Variants in PRKCA observed in about 807,000 individuals in gnomAD.
The protein encoded by PRKCA is protein kinase C alpha, also known as protein kinase C alpha type.
PRKCA carries 27 observed loss-of-function variants against 87.0 expected under a neutral mutation model. The ratio of observed to expected loss-of-function variants is 0.31; its 90% confidence interval spans 0.23 to 0.43. The LOEUF is 0.43. PRKCA is among the 20% of genes least tolerant of loss of function. PRKCA has a pLI of 1.00. For synonymous variants in PRKCA, 329 were observed against 311.1 expected, an observed-to-expected ratio of 1.06 and a Z score of -0.61; for missense variants, 518 against 852.3, an observed-to-expected ratio of 0.61 and a Z score of 4.88.
chr17:66,362,329 C>T (rs777111234), intron 2 of PRKCA, among the ~76,000 whole-genome samples: 8 of 152,130 alleles, frequency 5.3e-5, no homozygotes, highest in Non-Finnish European at 1.0e-4. Flanking sequence ...TGAGCCACCA[C>T]CATGCCCAGC....
At chr17:66,564,487 GTC>G (rs780546036) in intron 3 of PRKCA, among the ~76,000 whole-genome samples, 1 of 152,150 alleles carries the variant, frequency 6.6e-6, no homozygotes, top group Non-Finnish European at 1.5e-5. Context: ...CGTGGCTTTT[GTC>G]CATGGTGCCT....
intron 3 of PRKCA, among the ~76,000 whole-genome samples, chr17:66,522,321 C>A (rs1230566743): frequency 6.6e-6 from 1 of 152,118 alleles, no homozygotes; most frequent in Non-Finnish European, 1.5e-5. Context: ...TCACTTCTTG[C>A]AGTTTCTATG....
At chr17:66,651,389 C>T (rs942116233) in intron 5 of PRKCA, among the ~76,000 whole-genome samples, 1 of 152,276 alleles carries the variant, frequency 6.6e-6, no homozygotes, top group South Asian at 2.1e-4. Context: ...AAGAACAGAG[C>T]ATCAGTCTCC....
At chr17:66,354,210 A>G (rs1907914754) in intron 2 of PRKCA, among the ~76,000 whole-genome samples, 1 of 152,204 alleles carries the variant, frequency 6.6e-6, no homozygotes, top group Non-Finnish European at 1.5e-5. Context: ...GTCTGCAGTG[A>G]TCTCAAAGAT....
At chr17:66,547,087 T>C (rs1327796407) in intron 3 of PRKCA, among the ~76,000 whole-genome samples, 1 of 152,194 alleles carries the variant, frequency 6.6e-6, no homozygotes, top group Non-Finnish European at 1.5e-5. Flanking sequence ...GTTTCACCAG[T>C]TTACCTTAGC....
At chr17:66,466,351 T>C (rs8074329) in intron 2 of PRKCA, among the ~76,000 whole-genome samples, 9,687 of 152,170 alleles carry the variant, frequency 0.064, 1,028 homozygotes, top group African/African-American at 0.22. Context: ...CTGGAAGAGT[T>C]TGAAGCCAGA....
chr17:66,342,371 G>A (rs377001034), intron 2 of PRKCA, among the ~76,000 whole-genome samples: 6 of 151,622 alleles, frequency 4.0e-5, no homozygotes, highest in African/African-American at 1.5e-4. Context: ...GCAGTGAGCC[G>A]AGATCAGGCC....
intron 12 of PRKCA, 78 bp downstream of exon 12, chr17:66,741,799 G>A: frequency 1.1e-5 from 16 of 1,455,414 alleles, no homozygotes; most frequent in Non-Finnish European, 1.5e-5. Context: ...TTCTGGAATG[G>A]TGACTTAAGA....
rs746184182 is a variant in PRKCA at position 66,808,174 on chromosome 17, T to C, written c.*4137T>C. 3 of 152,168 alleles carry C rather than the reference T, an allele frequency of 2.0e-5. No individual in the cohort carries two copies. The highest frequency in any genetic ancestry group is 2.9e-5 in the Non-Finnish European group (2 of 68,042). 9.4% of individuals were successfully genotyped at this position (152,168 alleles called of 1,614,324 possible). ...GTAGGTTCCTGCCCATTTTCCTCTC[T>C]GGCTTCCTGCCAAGAATTATGGCAG... is the stretch of plus-strand genomic sequence containing the variant. On this transcript the variant is annotated 3_prime_UTR_variant, in exon 17 of 17. Coordinates refer to ENST00000413366, the MANE Select transcript of PRKCA (RefSeq NM_002737.3).
intron 2 of PRKCA, among the ~76,000 whole-genome samples, chr17:66,370,389 A>G (rs1008801779): frequency 2.6e-5 from 4 of 151,018 alleles, no homozygotes; most frequent in African/African-American, 4.9e-5. Context: ...ACACCACCAT[A>G]GCTGGCTATT....
At chr17:66,309,554 C>T (rs1395749384) in intron 2 of PRKCA, among the ~76,000 whole-genome samples, 5 of 152,100 alleles carry the variant, frequency 3.3e-5, no homozygotes, top group Non-Finnish European at 7.4e-5. Context: ...AACGGTGAAA[C>T]CAAGGGCCAT....
intron 3 of PRKCA, among the ~76,000 whole-genome samples, chr17:66,612,585 G>T (rs1438868648): frequency 6.6e-6 from 1 of 152,166 alleles, no homozygotes; most frequent in East Asian, 1.9e-4. Flanking sequence ...ATTAGGATGG[G>T]TGCTAAGCCT....
chr17:66,747,807 C>A (rs1240212035), intron 13 of PRKCA, among the ~76,000 whole-genome samples: 1 of 152,166 alleles, frequency 6.6e-6, no homozygotes, highest in Non-Finnish European at 1.5e-5. Context: ...CAGGGAGATC[C>A]CTTAGAAACC....
chr17:66,740,488 A>G (rs1288951363), intron 11 of PRKCA, among the ~76,000 whole-genome samples: 1 of 152,200 alleles, frequency 6.6e-6, no homozygotes, highest in African/African-American at 2.4e-5. Flanking sequence ...ACACATTGGA[A>G]GAATTTTTGG....
chr17:66,750,695 C>T (rs903322464), intron 13 of PRKCA, among the ~76,000 whole-genome samples: 2 of 152,226 alleles, frequency 1.3e-5, no homozygotes, highest in Non-Finnish European at 2.9e-5. Flanking sequence ...GGTGGATTCG[C>T]TGCCCCTTCG....
At chr17:66,360,365 C>T (rs928467232) in intron 2 of PRKCA, among the ~76,000 whole-genome samples, 1 of 152,150 alleles carries the variant, frequency 6.6e-6, no homozygotes, top group African/African-American at 2.4e-5. Flanking sequence ...TGGAGAGCAT[C>T]AGTCCTCCAT....
At chr17:66,550,685 G>C (rs12940267) in intron 3 of PRKCA, among the ~76,000 whole-genome samples, 4 of 152,096 alleles carry the variant, frequency 2.6e-5, no homozygotes, top group African/African-American at 7.2e-5. Context: ...TCTGGGAATA[G>C]AAATGGGAAA....
chr17:66,379,067 A>G (rs1338024489), intron 2 of PRKCA, among the ~76,000 whole-genome samples: 1 of 152,094 alleles, frequency 6.6e-6, no homozygotes, highest in African/African-American at 2.4e-5. Context: ...TAGACAGTTG[A>G]GTTGTTTATA....
intron 2 of PRKCA, among the ~76,000 whole-genome samples, chr17:66,372,341 A>C (rs550670034): frequency 5.8e-4 from 88 of 152,344 alleles, no homozygotes; most frequent in African/African-American, 2.0e-3. Flanking sequence ...TACATATACC[A>C]TTGGAGACAC....
Sources: allele counts gnomAD v4.1 joint callset (sites outside exome capture counted in the v4.1 genomes callset), GRCh38; gene constraint gnomAD v4.1.1; transcripts MANE v1.5; gene names NCBI Gene and HGNC (gene_info 2026-07-23, HGNC 2026-07-21).